Variants in UGT1A9 observed in about 807,000 individuals in gnomAD.
The protein encoded by UGT1A9 is UDP-glucuronosyltransferase 1A9.
In UGT1A9, 35 loss-of-function variants were observed where a neutral mutation model predicts 45.0. The ratio of observed to expected loss-of-function variants is 0.78; its 90% CI spans 0.59 to 1.03. UGT1A9 has a LOEUF of 1.03. UGT1A9 is among the 50% of genes least tolerant of loss of function. The pLI is 0.00. For synonymous variants in UGT1A9, 278 were observed against 250.6 expected (o/e 1.11, Z -1.03); for missense variants, 687 against 666.6 (o/e 1.03, Z -0.34).
At chr2:233,674,157 AAC>A (rs1364542025) in intron 1 of UGT1A9, among the ~76,000 whole-genome samples, 62 of 152,294 alleles carry the variant, frequency 4.1e-4, no homozygotes, top group Middle Eastern at 6.8e-3. Flanking sequence ...TAGACTTGGT[AAC>A]ACAGTCATAT....
chr2:233,706,268 A>T (rs1234933778), intron 1 of UGT1A9, among the ~76,000 whole-genome samples: 1 of 152,148 alleles, frequency 6.6e-6, no homozygotes, highest in Non-Finnish European at 1.5e-5. Flanking sequence ...TGGATTGCCC[A>T]ACCTCAGGGG....
At chr2:233,729,878 A>G in intron 1 of UGT1A9, 3 of 1,613,834 alleles carry the variant, frequency 1.9e-6, no homozygotes, top group Non-Finnish European at 1.7e-6. Context: ...ATTCTCAGTC[A>G]TGCATCTGTG....
At chr2:233,729,450 G>A (rs1394250627) in intron 1 of UGT1A9, 1 of 1,614,082 alleles carries the variant, frequency 6.2e-7, no homozygotes, top group Admixed American at 1.7e-5. Flanking sequence ...ATTTTCTGAA[G>A]AAATTTTTCA....
chr2:233,733,827 G>A (rs1305233298), intron 1 of UGT1A9, among the ~76,000 whole-genome samples: 1 of 152,118 alleles, frequency 6.6e-6, no homozygotes, highest in African/African-American at 2.4e-5. Flanking sequence ...CATAAAATGA[G>A]TTAGGGAGGA....
At chr2:233,693,092 C>G (rs1334176855) in intron 1 of UGT1A9, 3 of 1,614,128 alleles carry the variant, frequency 1.9e-6, no homozygotes, top group South Asian at 1.1e-5. Flanking sequence ...TGACAAGCTG[C>G]TGGTGGTCCC....
rs1182689801 is a variant in UGT1A9, at chr2:233,724,261, G to A, written c.856-42773G>A. Among the ~76,000 whole-genome samples, 54 of 98,670 alleles carry A rather than the reference G, an allele frequency of 5.5e-4. 1 individual carries two copies. The highest frequency in any genetic ancestry group is 1.1e-3 in the East Asian group (3 of 2,618). The allele number at this position is 98,670 out of a possible 152,430, so 64.7% of individuals were successfully genotyped here. Reference sequence around the variant, plus strand: ...CGGGCAGAGGCGCCCCTCACCTCCCGGACGGGGCGGCTGGCCGGGCGGGGG... The same window carrying A: ...CGGGCAGAGGCGCCCCTCACCTCCCAGACGGGGCGGCTGGCCGGGCGGGGG... On this transcript the variant is annotated intron_variant, in intron 1 of 4. Coordinates refer to ENST00000354728, the MANE Select transcript of UGT1A9 (RefSeq NM_021027.3).
At chr2:233,677,619 A>G (rs1018777841) in intron 1 of UGT1A9, among the ~76,000 whole-genome samples, 1 of 152,234 alleles carries the variant, frequency 6.6e-6, no homozygotes. Context: ...GATGAAAACC[A>G]CAATAAGATA....
intron 1 of UGT1A9, chr2:233,682,062 A>C (rs754287322): frequency 6.2e-7 from 1 of 1,614,126 alleles, no homozygotes; most frequent in South Asian, 1.1e-5. Flanking sequence ...TTCACCATGC[A>C]GTCGGTGGTG....
intron 1 of UGT1A9, chr2:233,690,950 T>C (rs2075022597): frequency 1.4e-5 from 14 of 1,011,308 alleles, no homozygotes; most frequent in Non-Finnish European, 1.7e-5. Context: ...TCATGTTCTG[T>C]AGGGACTTCT....
Position 233,729,835 on chromosome 2 carries a change from G to A in UGT1A9, c.856-37199G>A, listed in dbSNP as rs530955113. On this transcript the variant is annotated intron_variant, in intron 1 of 4. Coordinates refer to ENST00000354728, the MANE Select transcript of UGT1A9 (RefSeq NM_021027.3). Reference sequence around the variant, plus strand: ...TGCTCCTTATGCAAGCCTTGCCTCTGAGCTTTTTCAGAGAGAGGTGTCAGT... The same window carrying A: ...TGCTCCTTATGCAAGCCTTGCCTCTAAGCTTTTTCAGAGAGAGGTGTCAGT... 4.0e-5 allele frequency: 65 copies of A among 1,613,870 alleles called. 1 individual carries two copies. In the South Asian group the frequency reaches 7.0e-4, roughly 17 times the overall value.
chr2:233,719,495 T>A, intron 1 of UGT1A9: 2 of 1,613,994 alleles, frequency 1.2e-6, no homozygotes, highest in Non-Finnish European at 1.7e-6. Context: ...ACATTTGCCA[T>A]ACTTTTTCTG....
intron 1 of UGT1A9, among the ~76,000 whole-genome samples, chr2:233,745,761 A>G (rs1420009294): frequency 2.7e-5 from 4 of 149,168 alleles, no homozygotes; most frequent in African/African-American, 1.0e-4. Flanking sequence ...GAAGGGGTGG[A>G]GAGGAGGAAT....
chr2:233,715,162 A>G (rs1420299748), intron 1 of UGT1A9, among the ~76,000 whole-genome samples: 3 of 152,214 alleles, frequency 2.0e-5, no homozygotes, highest in Non-Finnish European at 1.5e-5. Flanking sequence ...CTGGAATTAC[A>G]GGCGCGAGCC....
chr2:233,724,272 C>T (rs2077202450), intron 1 of UGT1A9, among the ~76,000 whole-genome samples: 2 of 137,942 alleles, frequency 1.4e-5, no homozygotes, highest in African/African-American at 5.4e-5. Context: ...GACGGGGCGG[C>T]TGGCCGGGCG....
At chr2:233,729,375 G>T (rs148006660) in intron 1 of UGT1A9, 2 of 1,613,886 alleles carry the variant, frequency 1.2e-6, no homozygotes, top group Non-Finnish European at 1.7e-6. Flanking sequence ...ATGCCATTTC[G>T]TGGACCCAGG....
At chr2:233,748,115 G>A in intron 1 of UGT1A9, 1 of 1,611,758 alleles carries the variant, frequency 6.2e-7, no homozygotes, top group Non-Finnish European at 8.5e-7. Context: ...CAATGTTCCA[G>A]GCAAAACAGT....
chr2:233,729,554 C>G, intron 1 of UGT1A9: 1 of 1,614,178 alleles, frequency 6.2e-7, no homozygotes, highest in Non-Finnish European at 8.5e-7. Flanking sequence ...CACCTGAATG[C>G]TACTTCCTTT....
intron 1 of UGT1A9, among the ~76,000 whole-genome samples, chr2:233,758,507 A>T (rs1490366523): frequency 6.6e-6 from 1 of 152,224 alleles, no homozygotes; most frequent in Non-Finnish European, 1.5e-5. Flanking sequence ...TCTAATAAGG[A>T]CACAACAAAG....
chr2:233,767,698 C>T (rs1699451194), intron 2 of UGT1A9, 151 bp from the exon 3 acceptor site: 8 of 1,500,274 alleles, frequency 5.3e-6, no homozygotes, highest in Non-Finnish European at 6.2e-6. Flanking sequence ...CGGAAGTTGC[C>T]AGTCCTCAGA....
Sources: allele counts gnomAD v4.1 joint callset (sites outside exome capture counted in the v4.1 genomes callset), GRCh38; gene constraint gnomAD v4.1.1; transcripts MANE v1.5; gene names NCBI Gene and HGNC (gene_info 2026-07-23, HGNC 2026-07-21).